The following BTBD9 variants were observed in gnomAD, a reference collection of about 807,000 sequenced individuals.
BTBD9 encodes BTB domain containing 9, also known as BTB/POZ domain-containing protein 9.
A neutral mutation model predicts 64.3 loss-of-function variants in BTBD9; 49 were observed. That is an observed-to-expected ratio of 0.76 (90% confidence interval 0.61 to 0.97). The LOEUF (loss-of-function observed/expected upper bound fraction) is 0.97. BTBD9 is among the 50% of genes least tolerant of loss of function. The pLI is 0.00. For synonymous variants in BTBD9, 260 were observed against 274.7 expected (o/e 0.95, Z 0.53); for missense variants, 598 against 762.1 (o/e 0.78, Z 2.53).
chr6:38,581,149 G>A (rs951954198), intron 4 of BTBD9, among the ~76,000 whole-genome samples: 27 of 152,170 alleles, frequency 1.8e-4, no homozygotes, highest in Non-Finnish European at 3.7e-4. Flanking sequence ...CTGAGATCGC[G>A]CCATTGCACT....
chr6:38,402,615 C>T (rs1031033195), intron 6 of BTBD9, among the ~76,000 whole-genome samples: 5 of 152,072 alleles, frequency 3.3e-5, no homozygotes, highest in Non-Finnish European at 5.9e-5. Context: ...ATGTCCAATA[C>T]AAAAGAATGA....
intron 6 of BTBD9, among the ~76,000 whole-genome samples, chr6:38,394,962 AG>A (rs1045218010): frequency 8.1e-6 from 1 of 124,114 alleles, no homozygotes; most frequent in Non-Finnish European, 1.6e-5. Flanking sequence ...CAAAAAAGAG[AG>A]GGGAAAAAAA....
intron 6 of BTBD9, among the ~76,000 whole-genome samples, chr6:38,503,927 C>T (rs1336390547): frequency 6.6e-6 from 1 of 152,148 alleles, no homozygotes; most frequent in African/African-American, 2.4e-5. Flanking sequence ...AACAGCCCTT[C>T]CCATCCTTTC....
At chr6:38,475,316 G>A (rs1770829309) in intron 6 of BTBD9, among the ~76,000 whole-genome samples, 1 of 152,044 alleles carries the variant, frequency 6.6e-6, no homozygotes, top group Non-Finnish European at 1.5e-5. Flanking sequence ...AAATCTCCTA[G>A]TAACAGTTAC....
intron 7 of BTBD9, among the ~76,000 whole-genome samples, chr6:38,338,587 C>G (rs1464404531): frequency 6.6e-6 from 1 of 151,968 alleles, no homozygotes; most frequent in Admixed American, 6.6e-5. Flanking sequence ...GCTCTATGCC[C>G]TAGTTATTAT....
At chr6:38,356,966 T>TA (rs1233244797) in intron 6 of BTBD9, among the ~76,000 whole-genome samples, 3 of 152,126 alleles carry the variant, frequency 2.0e-5, no homozygotes, top group African/African-American at 7.2e-5. Flanking sequence ...TTGGAGGTGT[T>TA]ACTGAGTTAC....
At chr6:38,359,140 T>G (rs913995093) in intron 6 of BTBD9, among the ~76,000 whole-genome samples, 2 of 152,218 alleles carry the variant, frequency 1.3e-5, no homozygotes. Context: ...TATCCAGGTT[T>G]GCCTGGAACT....
At chr6:38,538,343 T>C (rs1383914474) in intron 6 of BTBD9, among the ~76,000 whole-genome samples, 1 of 152,074 alleles carries the variant, frequency 6.6e-6, no homozygotes, top group African/African-American at 2.4e-5. Flanking sequence ...GAGGAACACA[T>C]GCATTGTCAA....
intron 7 of BTBD9, among the ~76,000 whole-genome samples, chr6:38,333,754 T>C (rs1207864150): frequency 6.6e-6 from 1 of 152,220 alleles, no homozygotes; most frequent in Non-Finnish European, 1.5e-5. Flanking sequence ...CTTTTCTTTA[T>C]AAATTACCCA....
chr6:38,311,878 T>A (rs1347318663), intron 7 of BTBD9, among the ~76,000 whole-genome samples: 1 of 152,208 alleles, frequency 6.6e-6, no homozygotes, highest in African/African-American at 2.4e-5. Flanking sequence ...TTTTATTTTT[T>A]TGAGACTGAG....
At chr6:38,620,069 C>T (rs1443634313) in intron 1 of BTBD9, among the ~76,000 whole-genome samples, 2 of 152,170 alleles carry the variant, frequency 1.3e-5, no homozygotes, top group Non-Finnish European at 2.9e-5. Context: ...TTATCAAAGG[C>T]AATATCCCTT....
At chr6:38,342,405 C>T (rs1028321708) in intron 7 of BTBD9, among the ~76,000 whole-genome samples, 5 of 151,604 alleles carry the variant, frequency 3.3e-5, no homozygotes, top group African/African-American at 1.2e-4. Flanking sequence ...GCGTTGTGGC[C>T]GACACCTGTA....
intron 6 of BTBD9, among the ~76,000 whole-genome samples, chr6:38,569,787 G>A (rs1265578890): frequency 6.6e-6 from 1 of 151,916 alleles, no homozygotes; most frequent in Non-Finnish European, 1.5e-5. Context: ...GGGGTTTTGG[G>A]GGATTTTTTT....
At chr6:38,352,411 C>G (rs1463983429) in intron 6 of BTBD9, among the ~76,000 whole-genome samples, 1 of 151,798 alleles carries the variant, frequency 6.6e-6, no homozygotes, top group African/African-American at 2.4e-5. Flanking sequence ...CTAAATAATG[C>G]TAAGCCCCAT....
intron 6 of BTBD9, chr6:38,481,858 A>G (rs1007207423): frequency 6.6e-6 from 1 of 152,254 alleles, no homozygotes; most frequent in Non-Finnish European, 1.5e-5. Flanking sequence ...GCAGGCAGTT[A>G]AAAGAACAGT....
Position 38,621,553 on chromosome 6 carries a change from G to A in BTBD9, c.-28+18247C>T, listed in dbSNP as rs535978511. 3.3e-5 allele frequency among the ~76,000 whole-genome samples: 5 copies of A among 152,322 alleles called. No individual in the cohort carries two copies. The South Asian group carries it at 1.0e-3, about 32-fold the overall frequency. On this transcript the variant is annotated intron_variant, in intron 1 of 10. Coordinates refer to ENST00000481247, the MANE Select transcript of BTBD9 (RefSeq NM_001099272.2). ...TCCCCCAGGGACCAGCACCCAGTTA[G>A]CAGAACTAGTGGTGCTTACCCAAGC...
intron 7 of BTBD9, among the ~76,000 whole-genome samples, chr6:38,315,002 C>T (rs1217476985): frequency 6.6e-6 from 1 of 152,092 alleles, no homozygotes; most frequent in Non-Finnish European, 1.5e-5. Context: ...GCGCCCGCCA[C>T]CACATCTGGC....
chr6:38,256,774 G>T (rs1032009707), intron 8 of BTBD9, among the ~76,000 whole-genome samples: 3 of 152,144 alleles, frequency 2.0e-5, no homozygotes, highest in African/African-American at 7.2e-5. Flanking sequence ...CTTTATACTG[G>T]TTTAGTAGAG....
At chr6:38,547,146 T>C (rs1774590410) in intron 6 of BTBD9, among the ~76,000 whole-genome samples, 1 of 152,184 alleles carries the variant, frequency 6.6e-6, no homozygotes, top group Admixed American at 6.5e-5. Context: ...CCCTATTCCC[T>C]GAAACATGAC....
Sources: allele counts gnomAD v4.1 joint callset (sites outside exome capture counted in the v4.1 genomes callset), GRCh38; gene constraint gnomAD v4.1.1; transcripts MANE v1.5; gene names NCBI Gene and HGNC (gene_info 2026-07-23, HGNC 2026-07-21).